Variants in CLVS1 observed in about 807,000 individuals in gnomAD.
CLVS1 encodes the protein clavesin-1.
CLVS1 carries 10 observed loss-of-function variants against 33.1 expected under a neutral mutation model. The ratio of observed to expected loss-of-function variants is 0.30; its 90% confidence interval spans 0.19 to 0.51. CLVS1 has a LOEUF of 0.51. CLVS1 is among the 20% of genes least tolerant of loss of function. The pLI is 0.97. For synonymous variants in CLVS1, 163 were observed against 166.1 expected (o/e 0.98, Z 0.14); for missense variants, 343 against 433.4 (o/e 0.79, Z 1.85).
At chr8:61,056,928 C>A (rs923239513), upstream of CLVS1, among the ~76,000 whole-genome samples, 1 of 152,170 alleles carries the variant, frequency 6.6e-6, no homozygotes, top group African/African-American at 2.4e-5. Context: ...GGTAAAGCGC[C>A]AGGGCCTTTG....
chr8:61,234,676 G>A (rs7017480), intron 2 of CLVS1, among the ~76,000 whole-genome samples: 33,028 of 152,000 alleles, frequency 0.22, 6,234 homozygotes, highest in East Asian at 0.69. Context: ...CCAAGATCAC[G>A]CAGGCGGACA....
chr8:61,207,654 G>A (rs1807883358), intron 2 of CLVS1, among the ~76,000 whole-genome samples: 1 of 152,154 alleles, frequency 6.6e-6, no homozygotes, highest in South Asian at 2.1e-4. Context: ...AATATTCCAG[G>A]TGTGTGGCCA....
Position 61,363,749 on chromosome 8 carries a change from C to G in CLVS1, c.456-12856C>G, listed in dbSNP as rs114405496. Among the ~76,000 whole-genome samples, 334 of 152,216 alleles carry G rather than the reference C, an allele frequency of 2.2e-3. 1 individual carries two copies. The highest frequency in any genetic ancestry group is 7.5e-3 in the African/African-American group (310 of 41,550). On this transcript the variant is annotated intron_variant, in intron 2 of 5. Transcript: ENST00000325897. ...TGCTATCTTTTGTTTGTTTCTGATTCTTAGAATTAGGCTGGAGCCTGTGTT... is the reference window on the plus strand; with the variant it reads ...TGCTATCTTTTGTTTGTTTCTGATTGTTAGAATTAGGCTGGAGCCTGTGTT...
chr8:61,336,492 C>A (rs1212135788), intron 2 of CLVS1, among the ~76,000 whole-genome samples: 1 of 152,136 alleles, frequency 6.6e-6, no homozygotes, highest in Non-Finnish European at 1.5e-5. Flanking sequence ...ACCAGAGAAA[C>A]CTCTGCCCGG....
the CLVS1 span, among the ~76,000 whole-genome samples, chr8:60,977,542 A>T: frequency 6.6e-6 from 1 of 152,190 alleles, no homozygotes; most frequent in Non-Finnish European, 1.5e-5. Context: ...AAGTGCAAAA[A>T]CTAAAATGAA....
At chr8:61,495,955 G>T (rs1167851967) in intron 5 of CLVS1, among the ~76,000 whole-genome samples, 1 of 152,154 alleles carries the variant, frequency 6.6e-6, no homozygotes, top group African/African-American at 2.4e-5. Context: ...AGGGCTAAAA[G>T]GTACTTGTGT....
At chr8:61,231,286 GCACA>G (rs4033613) in intron 2 of CLVS1, among the ~76,000 whole-genome samples, 5 of 149,976 alleles carry the variant, frequency 3.3e-5, no homozygotes, top group African/African-American at 7.4e-5. Context: ...ACCTGTGCTT[GCACA>G]CACACACACA....
At chr8:61,220,224 G>C (rs1477291497) in intron 2 of CLVS1, among the ~76,000 whole-genome samples, 2 of 152,148 alleles carry the variant, frequency 1.3e-5, no homozygotes, top group Non-Finnish European at 2.9e-5. Context: ...TTGTCATGAA[G>C]TCTTTGTCCA....
chr8:61,260,916 T>C (rs1809190174), intron 2 of CLVS1, among the ~76,000 whole-genome samples: 1 of 152,206 alleles, frequency 6.6e-6, no homozygotes, highest in Admixed American at 6.5e-5. Context: ...AAACTTGGTG[T>C]GCTTGAGAAT....
At chr8:61,148,554 G>C (rs1806461986) in intron 2 of CLVS1, among the ~76,000 whole-genome samples, 2 of 152,160 alleles carry the variant, frequency 1.3e-5, no homozygotes, top group Non-Finnish European at 2.9e-5. Context: ...TTTTTAGTTG[G>C]CTGAGAGATT....
At chr8:61,304,286 T>C (rs1810536978) in intron 2 of CLVS1, among the ~76,000 whole-genome samples, 1 of 152,238 alleles carries the variant, frequency 6.6e-6, no homozygotes, top group Non-Finnish European at 1.5e-5. Flanking sequence ...TGGGAAACAC[T>C]ATCCCGTGAG....
chr8:61,035,218 A>G, the CLVS1 span, among the ~76,000 whole-genome samples: 1 of 92,386 alleles, frequency 1.1e-5, no homozygotes, highest in Non-Finnish European at 2.2e-5. Context: ...TGCAGCTTCT[A>G]GTTTTCTACC....
intron 2 of CLVS1, among the ~76,000 whole-genome samples, chr8:61,166,056 G>C (rs1465656062): frequency 1.1e-5 from 1 of 90,854 alleles, no homozygotes; most frequent in African/African-American, 3.5e-5. Flanking sequence ...GCCTGCCTTT[G>C]GAATGCTACA....
intron 4 of CLVS1, 128 bp downstream of exon 4, chr8:61,454,379 T>C (rs941040547): frequency 2.7e-6 from 2 of 737,864 alleles, no homozygotes; most frequent in Non-Finnish European, 4.8e-6. Context: ...GTGGTTTTTC[T>C]ACAGCCCCTA....
intron 2 of CLVS1, among the ~76,000 whole-genome samples, chr8:61,230,098 G>C (rs558410533): frequency 6.6e-6 from 1 of 152,300 alleles, no homozygotes; most frequent in South Asian, 2.1e-4. Context: ...GTCGGGGAAG[G>C]AGTGTTAGAC....
At chr8:61,023,631 T>G in the CLVS1 span, among the ~76,000 whole-genome samples, 1 of 152,274 alleles carries the variant, frequency 6.6e-6, no homozygotes. Context: ...GATCCTCGCC[T>G]GCGCCATCCG....
At chr8:61,338,108 C>A (rs887456141) in intron 2 of CLVS1, among the ~76,000 whole-genome samples, 6 of 152,138 alleles carry the variant, frequency 3.9e-5, no homozygotes, top group Non-Finnish European at 8.8e-5. Flanking sequence ...TCTGGACCCT[C>A]AATGTCACAC....
rs1009101994 is a variant in CLVS1 at position 61,278,951 on chromosome 8, A to G, written c.-151-20726A>G. On this transcript the variant is annotated intron_variant, in intron 2 of 2. Transcript: ENST00000522621. ...CAGAGGCCACAGCAATGGATCAGGC[A>G]TCCTCACTGACAGGCTGGCACCACC... Among the ~76,000 whole-genome samples, 3 of 152,184 alleles carry G rather than the reference A, an allele frequency of 2.0e-5. No homozygotes were observed. The East Asian group carries it at 5.8e-4, about 29-fold the overall frequency.
At chr8:61,107,350 A>G in intron 1 of CLVS1, among the ~76,000 whole-genome samples, 1 of 152,218 alleles carries the variant, frequency 6.6e-6, no homozygotes, top group East Asian at 1.9e-4. Context: ...AAACAACAGA[A>G]ATTTACTGCT....
Sources: allele counts gnomAD v4.1 joint callset (sites outside exome capture counted in the v4.1 genomes callset), GRCh38; gene constraint gnomAD v4.1.1; transcripts MANE v1.5; gene names NCBI Gene and HGNC (gene_info 2026-07-23, HGNC 2026-07-21).